ZNF521: variants seen among roughly 807,000 people sequenced by gnomAD.
ZNF521 encodes the protein zinc finger protein 521.
A neutral mutation model predicts 105.5 loss-of-function variants in ZNF521; 14 were observed. The observed-to-expected ratio is 0.13, with a 90% CI of 0.09 to 0.21. ZNF521 has a LOEUF of 0.21. Among genes scored for constraint, ZNF521 ranks in the 10% least tolerant of loss-of-function variants. The pLI, the probability that ZNF521 is intolerant of heterozygous loss-of-function variation, is 1.00. For missense variants in ZNF521, 1,233 were observed against 1,629.7 expected (o/e 0.76, Z 4.19); for synonymous variants, 635 against 606.0 (o/e 1.05, Z -0.70).
intron 2 of ZNF521, among the ~76,000 whole-genome samples, chr18:25,345,516 T>A (rs1156525317): frequency 6.6e-6 from 1 of 152,210 alleles, no homozygotes; most frequent in Non-Finnish European, 1.5e-5. Flanking sequence ...CACTCATGCA[T>A]AAAACAGATG....
chr18:25,256,069 T>C (rs1460362010), intron 3 of ZNF521, among the ~76,000 whole-genome samples: 1 of 149,556 alleles, frequency 6.7e-6, no homozygotes, highest in Non-Finnish European at 1.5e-5. Context: ...AATGGGATAT[T>C]ATTTATCATT....
intron 7 of ZNF521, among the ~76,000 whole-genome samples, chr18:25,065,429 TA>T (rs1427421126): frequency 6.6e-6 from 1 of 152,158 alleles, no homozygotes; most frequent in African/African-American, 2.4e-5. Flanking sequence ...GCTATGTGTA[TA>T]AGGTATATAA....
chr18:25,142,507 T>A (rs1049517707), intron 5 of ZNF521, among the ~76,000 whole-genome samples: 1 of 152,152 alleles, frequency 6.6e-6, no homozygotes, highest in Non-Finnish European at 1.5e-5. Context: ...TAATTCTTAA[T>A]CTGCTTCCTC....
At chr18:25,155,673 C>T (rs374729388) in intron 5 of ZNF521, among the ~76,000 whole-genome samples, 4 of 152,242 alleles carry the variant, frequency 2.6e-5, no homozygotes, top group South Asian at 2.1e-4. Context: ...TATGGAAAGG[C>T]CTATCCTTTC....
At chr18:25,206,021 T>G (rs1015766587) in intron 4 of ZNF521, among the ~76,000 whole-genome samples, 14 of 152,182 alleles carry the variant, frequency 9.2e-5, no homozygotes, top group Non-Finnish European at 1.9e-4. Context: ...TTTGTTTTTT[T>G]GAGACAGAGT....
chr18:25,343,994 T>C (rs1914347274), intron 2 of ZNF521, among the ~76,000 whole-genome samples: 1 of 152,144 alleles, frequency 6.6e-6, no homozygotes, highest in South Asian at 2.1e-4. Flanking sequence ...GCCCAGTGCT[T>C]GTAGCTGTGG....
chr18:25,323,696 C>T (rs569157727), intron 2 of ZNF521, among the ~76,000 whole-genome samples: 42 of 152,268 alleles, frequency 2.8e-4, no homozygotes, highest in African/African-American at 9.6e-4. Flanking sequence ...AGTCCATGAA[C>T]GCCACACCAA....
At chr18:25,263,614 C>T (rs1909061800) in intron 3 of ZNF521, among the ~76,000 whole-genome samples, 2 of 152,154 alleles carry the variant, frequency 1.3e-5, no homozygotes, top group South Asian at 2.1e-4. Context: ...CTCGCTCTGT[C>T]GCCCAGGCTG....
chr18:25,155,203 A>C (rs1319283627), intron 5 of ZNF521, among the ~76,000 whole-genome samples: 1 of 152,138 alleles, frequency 6.6e-6, no homozygotes, highest in Admixed American at 6.5e-5. Flanking sequence ...AGTTTACTTC[A>C]AGTCCTGTCA....
At chr18:25,114,389 G>A (rs1467762389) in intron 5 of ZNF521, among the ~76,000 whole-genome samples, 2 of 152,108 alleles carry the variant, frequency 1.3e-5, no homozygotes, top group Non-Finnish European at 2.9e-5. Context: ...GGTCAAATTG[G>A]GGAAAACTGA....
chr18:25,285,901 T>C (rs1445512817), intron 3 of ZNF521, among the ~76,000 whole-genome samples: 1 of 152,184 alleles, frequency 6.6e-6, no homozygotes, highest in Non-Finnish European at 1.5e-5. Context: ...GAGGGTATAA[T>C]GAGCAAAGGA....
intron 3 of ZNF521, among the ~76,000 whole-genome samples, chr18:25,256,015 T>C (rs138929371): frequency 0.015 from 2,275 of 147,802 alleles, 54 homozygotes; most frequent in East Asian, 0.083. Flanking sequence ...ATATGATATA[T>C]ATATGGTATA....
intron 5 of ZNF521, among the ~76,000 whole-genome samples, chr18:25,180,018 T>C (rs542634455): frequency 1.3e-5 from 2 of 152,376 alleles, no homozygotes; most frequent in Admixed American, 1.3e-4. Context: ...AAGTTTACTA[T>C]ATAACATAGT....
chr18:25,227,631 T>C lies in ZNF521; in HGVS notation c.287A>G (p.Gln96Arg). Reference sequence around the variant, plus strand: ...ACCTTCTCCATGGCTAGGGGAAGTCTGATCCTTGCTAGAAGGTGAGGAAGC... The same window carrying C: ...ACCTTCTCCATGGCTAGGGGAAGTCCGATCCTTGCTAGAAGGTGAGGAAGC... ...WPASSPSSKD[Q>R]TSPSHGEGCD... The change falls in exon 4 of 8, where the codon CAG (glutamine) becomes CGG (arginine). Residue 96 changes from glutamine to arginine, a missense_variant. Physicochemically the swap from Gln to Arg is conservative, Grantham distance 43. Around this residue, in one of 6 missense-constraint regions of ZNF521, gnomAD observed 85 missense variants for 162.2 expected, o/e 0.52. Coordinates refer to ENST00000361524, the MANE Select transcript of ZNF521 (RefSeq NM_015461.3). The surrounding 1 kb of genome is among the most constrained non-coding windows in gnomAD (Gnocchi z 5.7). The C allele has an allele frequency of 6.2e-7, 1 of 1,614,122 alleles. No individual in the cohort carries two copies. The highest frequency in any genetic ancestry group is 8.5e-7 in the Non-Finnish European group (1 of 1,179,998).
At chr18:25,163,095 A>G (rs755903169) in intron 5 of ZNF521, among the ~76,000 whole-genome samples, 1 of 152,210 alleles carries the variant, frequency 6.6e-6, no homozygotes, top group Non-Finnish European at 1.5e-5. Flanking sequence ...TAGTAGCTGA[A>G]TTAGATCTAG....
At chr18:25,306,729 A>G (rs917005217) in intron 3 of ZNF521, among the ~76,000 whole-genome samples, 8 of 152,170 alleles carry the variant, frequency 5.3e-5, no homozygotes, top group Non-Finnish European at 1.2e-4. Flanking sequence ...AGAAGAAGAG[A>G]TCCTTCTTTA....
chr18:25,179,554 T>C (rs565197457), intron 5 of ZNF521, among the ~76,000 whole-genome samples: 1 of 152,136 alleles, frequency 6.6e-6, no homozygotes, highest in Non-Finnish European at 1.5e-5. Flanking sequence ...TCCTGGAATT[T>C]TGAGTGTACA....
At chr18:25,109,268 G>A (rs1468935109) in intron 5 of ZNF521, among the ~76,000 whole-genome samples, 5 of 152,158 alleles carry the variant, frequency 3.3e-5, no homozygotes, top group African/African-American at 4.8e-5. Context: ...TATCCATGTT[G>A]CTGCAAAGGA....
At chr18:25,318,900 T>C (rs1053902194) in intron 3 of ZNF521, among the ~76,000 whole-genome samples, 23 of 151,122 alleles carry the variant, frequency 1.5e-4, no homozygotes, top group African/African-American at 5.6e-4. Flanking sequence ...ATAGTATCCA[T>C]ATCTTGGTTT....
Sources: allele counts gnomAD v4.1 joint callset (sites outside exome capture counted in the v4.1 genomes callset), GRCh38; gene constraint gnomAD v4.1.1; regional missense constraint gnomAD v4.1.1; non-coding constraint Gnocchi (gnomAD v3.1); transcripts MANE v1.5; gene names NCBI Gene and HGNC (gene_info 2026-07-23, HGNC 2026-07-21).